CDH13: variants seen among roughly 807,000 people sequenced by gnomAD.
The protein encoded by CDH13 is cadherin-13.
Under a neutral mutation model 63.8 loss-of-function variants are expected in CDH13, and 24 were observed. The ratio of observed to expected loss-of-function variants is 0.38; its 90% CI spans 0.27 to 0.53. The LOEUF (loss-of-function observed/expected upper bound fraction) is 0.53. CDH13 is among the 20% of genes least tolerant of loss of function. The pLI is 0.85. For synonymous variants in CDH13, 503 were observed against 355.3 expected, an observed-to-expected ratio of 1.42 and a Z score of -4.67; for missense variants, 1,049 against 903.1, an observed-to-expected ratio of 1.16 and a Z score of -2.07.
intron 2 of CDH13, among the ~76,000 whole-genome samples, chr16:83,028,200 A>G (rs1294208068): frequency 1.3e-5 from 2 of 152,226 alleles, no homozygotes; most frequent in South Asian, 2.1e-4. Flanking sequence ...ATTTGCCTCC[A>G]GTGGATGAAT....
At chr16:83,275,843 G>T (rs755293482) in intron 5 of CDH13, among the ~76,000 whole-genome samples, 1 of 152,170 alleles carries the variant, frequency 6.6e-6, no homozygotes, top group East Asian at 1.9e-4. Context: ...GGAAAGAGGG[G>T]TGAGGGAAGG....
rs554072954 is a variant in CDH13, at chr16:83,308,563, C to T, written c.637-36299C>T. 3.1e-3 allele frequency among the ~76,000 whole-genome samples: 472 copies of T among 152,300 alleles called. 1 individual carries two copies. Among genetic ancestry groups the T allele is most frequent in the Non-Finnish European group, 5.1e-3 (347 of 68,012 alleles). ...AACACACTAGAGATTACAAAGCCAA[C>T]GTCACTATTATTTTTAAAAGGCTTT... is the stretch of plus-strand genomic sequence containing the variant. On this transcript the variant is annotated intron_variant, in intron 5 of 13. Coordinates refer to ENST00000567109, the MANE Select transcript of CDH13 (RefSeq NM_001257.5).
chr16:83,279,244 G>A (rs989699984), intron 5 of CDH13, among the ~76,000 whole-genome samples: 5 of 152,114 alleles, frequency 3.3e-5, no homozygotes, highest in African/African-American at 9.7e-5. Flanking sequence ...ATCATTGTAA[G>A]TCAGCTGTTT....
chr16:82,701,907 C>A (rs183910432), intron 1 of CDH13, among the ~76,000 whole-genome samples: 3 of 151,958 alleles, frequency 2.0e-5, no homozygotes, highest in Admixed American at 1.3e-4. Context: ...TACCCAGCCA[C>A]GTGGACTTAG....
At chr16:83,573,363 C>T (rs1261014219) in intron 7 of CDH13, among the ~76,000 whole-genome samples, 1 of 152,086 alleles carries the variant, frequency 6.6e-6, no homozygotes, top group Non-Finnish European at 1.5e-5. Context: ...GTCAGGAAGC[C>T]AATGGGTTCA....
chr16:83,791,903 C>A (rs1916296755), intron 13 of CDH13, among the ~76,000 whole-genome samples: 1 of 149,092 alleles, frequency 6.7e-6, no homozygotes, highest in African/African-American at 2.5e-5. Flanking sequence ...TTGCATAAAA[C>A]AAAATGCATC....
At chr16:82,732,542 A>T (rs1227273198) in intron 1 of CDH13, among the ~76,000 whole-genome samples, 3 of 152,230 alleles carry the variant, frequency 2.0e-5, no homozygotes, top group Non-Finnish European at 4.4e-5. Flanking sequence ...TTGAAACAGG[A>T]AGATGAATGG....
chr16:83,500,308 C>T (rs371893929), intron 7 of CDH13, among the ~76,000 whole-genome samples: 383 of 1,910 alleles, frequency 0.2, 140 homozygotes, highest in East Asian at 0.97. Context: ...TTCTCCTTCT[C>T]CTTCTCCTTC....
At chr16:82,654,498 G>T (rs1911078481) in intron 1 of CDH13, among the ~76,000 whole-genome samples, 1 of 152,168 alleles carries the variant, frequency 6.6e-6, no homozygotes, top group South Asian at 2.1e-4. Context: ...AAGGCTGTGT[G>T]GGAGGTGGAA....
intron 1 of CDH13, among the ~76,000 whole-genome samples, chr16:82,804,399 C>G (rs890526066): frequency 6.6e-6 from 1 of 151,970 alleles, no homozygotes; most frequent in Non-Finnish European, 1.5e-5. Context: ...GATGGTATCA[C>G]AGGTATATGC....
intron 6 of CDH13, among the ~76,000 whole-genome samples, chr16:83,374,731 C>T (rs2151405351): frequency 6.6e-6 from 1 of 152,264 alleles, no homozygotes; most frequent in South Asian, 2.1e-4. Context: ...GGATGTTTTC[C>T]ACACACCTGA....
At chr16:82,800,334 G>A (rs2036790114) in intron 1 of CDH13, among the ~76,000 whole-genome samples, 1 of 152,106 alleles carries the variant, frequency 6.6e-6, no homozygotes, top group African/African-American at 2.4e-5. Context: ...AGTTCAATGG[G>A]TTTCATAGCC....
chr16:82,711,665 G>A (rs1308313695), intron 1 of CDH13, among the ~76,000 whole-genome samples: 2 of 152,174 alleles, frequency 1.3e-5, no homozygotes, highest in African/African-American at 4.8e-5. Context: ...GGGAAAGTCA[G>A]GACTGGGATC....
At chr16:82,889,879 GAGATGCTTGCTCAAGAGAGT>G (rs1204718989) in intron 2 of CDH13, among the ~76,000 whole-genome samples, 20 of 152,380 alleles carry the variant, frequency 1.3e-4, no homozygotes, top group Admixed American at 1.2e-3. Flanking sequence ...ACTATTAAAA[GAGATGCTTGCTCAAGAGAGT>G]ATAGACTCTT....
chr16:83,597,658 A>G (rs1019380434), intron 7 of CDH13, among the ~76,000 whole-genome samples: 5 of 152,228 alleles, frequency 3.3e-5, no homozygotes, highest in Admixed American at 6.5e-5. Flanking sequence ...TAAGTTTGCC[A>G]GAAAATTTAG....
At chr16:82,743,471 A>T (rs2034026102) in intron 1 of CDH13, among the ~76,000 whole-genome samples, 1 of 152,156 alleles carries the variant, frequency 6.6e-6, no homozygotes, top group Non-Finnish European at 1.5e-5. Flanking sequence ...CACCCACTTC[A>T]GCCTCCCAAA....
At chr16:83,170,077 G>A (rs2037855723) in intron 4 of CDH13, among the ~76,000 whole-genome samples, 1 of 151,882 alleles carries the variant, frequency 6.6e-6, no homozygotes, top group African/African-American at 2.4e-5. Context: ...GCTTTCATGT[G>A]ATGTTAAGCT....
chr16:82,652,345 G>A (rs1910816399), intron 1 of CDH13, among the ~76,000 whole-genome samples: 1 of 152,200 alleles, frequency 6.6e-6, no homozygotes, highest in Non-Finnish European at 1.5e-5. Flanking sequence ...TGTGCCTGTG[G>A]TTTTTGTTCA....
intron 6 of CDH13, among the ~76,000 whole-genome samples, chr16:83,436,539 C>T (rs1387518011): frequency 1.3e-5 from 2 of 152,056 alleles, no homozygotes; most frequent in Admixed American, 6.6e-5. Flanking sequence ...CCATGGACAC[C>T]TTAATGCTTT....
Sources: gnomAD v4.1 joint callset for allele counts (sites outside exome capture counted in the v4.1 genomes callset) on GRCh38, gnomAD v4.1.1 for gene constraint, MANE v1.5 for transcripts, NCBI Gene and HGNC (gene_info 2026-07-23, HGNC 2026-07-21) for gene names.